The following RBM41 variants were observed in gnomAD, a reference collection of about 807,000 sequenced individuals.
The protein encoded by RBM41 is RNA binding motif protein 41, also known as RNA-binding protein 41.
In RBM41, 14 loss-of-function variants were observed where a neutral mutation model predicts 30.8. The observed-to-expected ratio is 0.45, with a 90% CI of 0.30 to 0.71. The LOEUF (loss-of-function observed/expected upper bound fraction) is 0.71, where lower values mean the gene tolerates loss of function less well. Ranked by LOEUF, RBM41 falls within the 30% of genes least tolerant of loss-of-function variation. The probability of loss-of-function intolerance (pLI) is 0.08; values close to 1 mark genes in which losing one functional copy is unlikely to be tolerated. For synonymous variants in RBM41, 120 were observed against 110.1 expected, an observed-to-expected ratio of 1.09 and a Z score of -0.56; for missense variants, 276 against 326.3, an observed-to-expected ratio of 0.85 and a Z score of 1.19.
chrX:107,090,746 A>T (rs765019265), intron 5 of RBM41, among the ~76,000 whole-genome samples: 2 of 110,270 alleles, frequency 1.8e-5, no homozygotes, highest in Admixed American at 9.6e-5. Flanking sequence ...AAGCTAGGAC[A>T]TTTTTTTTAA....
chrX:107,065,980 T>C lies in RBM41; in HGVS notation c.*1547A>G, dbSNP rs186176370. ...GTCACTTGCTTTCAGGCTGAAGAAC[T>C]TCCTTTTGTATTTCCAGCAAGTCAG... On this transcript the variant is annotated 3_prime_UTR_variant, in exon 8 of 8. Transcript: ENST00000685964. Among the ~76,000 whole-genome samples the C allele has an allele frequency of 4.6e-3, 522 of 112,449 alleles. 3 individuals are homozygous for C. Among genetic ancestry groups the C allele is most frequent in the African/African-American group, 0.016 (488 of 30,997 alleles).
intron 5 of RBM41, among the ~76,000 whole-genome samples, chrX:107,092,595 A>G (rs1922642484): frequency 1.8e-5 from 2 of 111,573 alleles, no homozygotes; most frequent in Admixed American, 1.9e-4. Context: ...AAAAAAAATA[A>G]TAAAATAAAT....
rs749148127 is a variant in RBM41 at position 107,116,778 on chromosome X, A to G, written c.9-12T>C. On this transcript the variant is annotated splice_polypyrimidine_tract_variant and intron_variant, in intron 1 of 7. Coordinates refer to ENST00000685964, the MANE Select transcript of RBM41 (RefSeq NM_001324242.2). Reference sequence around the variant, plus strand: ...CACAGCTGTTTACCCTGGAGTAGACATAAGAATATATACAGAAAACGGAAG... The same window carrying G: ...CACAGCTGTTTACCCTGGAGTAGACGTAAGAATATATACAGAAAACGGAAG... The G allele has an allele frequency of 5.0e-6, 6 of 1,192,121 alleles. No homozygotes were observed. In the South Asian group the frequency reaches 7.2e-5, roughly 14 times the overall value.
rs779204935 is a variant in RBM41 at position 107,067,470 on chromosome X, T to C, written c.*57A>G. 8.8e-7 allele frequency: 1 copy of C among 1,138,178 alleles called. No individual in the cohort carries two copies. Among genetic ancestry groups the C allele is most frequent in the Admixed American group, 2.6e-5 (1 of 38,329 alleles). The allele number at this position is 1,138,178 out of a possible 1,213,427, so 93.8% of individuals were successfully genotyped here. On this transcript the variant is annotated 3_prime_UTR_variant, in exon 8 of 8. Transcript: ENST00000685964. ...CAAACTGGTGTCTATACATAAATCC[T>C]AGATCCAAGATTCCAATTCAAGAAA...
At chrX:107,061,614 C>G (rs1569319489), downstream of RBM41, among the ~76,000 whole-genome samples, 1 of 110,754 alleles carries the variant, frequency 9.0e-6, no homozygotes, top group African/African-American at 3.3e-5. Context: ...GAATTTTTTC[C>G]TTTCTTTTTT....
intron 5 of RBM41, among the ~76,000 whole-genome samples, chrX:107,095,775 G>A: frequency 9.0e-6 from 1 of 111,146 alleles, no homozygotes. Context: ...TGCTTTGAGA[G>A]GATGATGTGG....
chrX:107,063,956 T>C lies in RBM41; in HGVS notation c.*3571A>G, dbSNP rs772809948. Among the ~76,000 whole-genome samples, 1,162 of 103,106 alleles carry C rather than the reference T, an allele frequency of 0.011. 17 individuals are homozygous for C. The highest frequency in any genetic ancestry group is 0.039 in the African/African-American group (1,094 of 28,309). 89.5% of individuals were successfully genotyped at this position (103,106 alleles called of 115,157 possible). ...TAGTGCTATGGTCTTTCTTTTCTTT[T>C]TTTTTTTTTTTTTGAGATGGAGTCT... On this transcript the variant is annotated 3_prime_UTR_variant, in exon 8 of 8. Transcript: ENST00000685964.
rs113071819 is a variant in RBM41 at position 107,069,444 on chromosome X, G to T, written c.1000-42C>A. 5.5e-4 allele frequency: 620 copies of T among 1,135,027 alleles called. 5 individuals are homozygous for T. In the African/African-American group the frequency reaches 9.9e-3, roughly 18 times the overall value. 93.5% of individuals were successfully genotyped at this position (1,135,027 alleles called of 1,213,427 possible). ...ATCAACCAAAATATCATATAAAGGA[G>T]GTAAGGCACTCTTTGTTTTTTTCTT... On this transcript the variant is annotated intron_variant, in intron 6 of 7. Coordinates refer to ENST00000685964, the MANE Select transcript of RBM41 (RefSeq NM_001324242.2).
chrX:107,070,348 G>A (rs1602546346), intron 6 of RBM41: 1 of 331,001 alleles, frequency 3.0e-6, no homozygotes, highest in East Asian at 9.7e-5. Context: ...GTCCTTTTCT[G>A]CCATTTGGCT....
intron 6 of RBM41, chrX:107,070,558 T>C (rs755831735): frequency 2.2e-5 from 5 of 229,826 alleles, no homozygotes; most frequent in African/African-American, 1.5e-4. Flanking sequence ...CAATCTGCTT[T>C]TTAGTTCCTA....
In RBM41 at chrX:107,088,776, A is replaced by G; in HGVS notation, c.659T>C (p.Met220Thr). 8.3e-7 allele frequency: 1 copy of G among 1,211,190 alleles called. No homozygotes were observed. Among genetic ancestry groups the G allele is most frequent in the Non-Finnish European group, 1.1e-6 (1 of 895,406 alleles). The change falls in exon 6 of 8, where the codon ATG becomes ACG. Residue 220 changes from methionine to threonine, a missense_variant. Coordinates refer to ENST00000685964, the MANE Select transcript of RBM41 (RefSeq NM_001324242.2). ...CTCTTCAAGACGTTTTTTCATTATC[A>G]TCTCTTGGTAAAAACTTTCCAGGTT... ...MNNLESFYQEMIMKKRLEEFQ... is the reference protein window; with the variant it reads ...MNNLESFYQETIMKKRLEEFQ...
intron 1 of RBM41, 81 bp downstream of exon 1, chrX:107,118,685 C>T: frequency 8.6e-7 from 1 of 1,166,024 alleles, no homozygotes; most frequent in Non-Finnish European, 1.2e-6. Context: ...ATACCCAAAC[C>T]AGAAAGCAAT....
chrX:107,066,648 C>T lies in RBM41; in HGVS notation c.*879G>A. 1 of 697,704 alleles carries T rather than the reference C, an allele frequency of 1.4e-6. No homozygotes were observed. Among genetic ancestry groups the T allele is most frequent in the Non-Finnish European group, 1.7e-6 (1 of 588,349 alleles). The allele number at this position is 697,704 out of a possible 1,213,427, so 57.5% of individuals were successfully genotyped here. A position where few individuals can be genotyped will look rare whatever the true frequency, so the allele number is the denominator to read the frequency against. ...GTTAAGTGTGGCTGTACAGGTCTGA[C>T]TCCAGTTTGTACTACTTCCTCTCTG... On this transcript the variant is annotated 3_prime_UTR_variant, in exon 8 of 8. Coordinates refer to ENST00000685964, the MANE Select transcript of RBM41 (RefSeq NM_001324242.2).
chrX:107,100,505 A>G (rs895393375), intron 5 of RBM41, among the ~76,000 whole-genome samples: 1 of 108,409 alleles, frequency 9.2e-6, no homozygotes, highest in Non-Finnish European at 1.9e-5. Context: ...AAAAAAAAAG[A>G]AAAAAAAAGT....
At chrX:107,090,856 T>C (rs1922471034) in intron 5 of RBM41, among the ~76,000 whole-genome samples, 2 of 110,897 alleles carry the variant, frequency 1.8e-5, no homozygotes. Flanking sequence ...TTTTGTTACA[T>C]AGGTATACAT....
At chrX:107,068,318 C>T (rs921932485) in intron 7 of RBM41, among the ~76,000 whole-genome samples, 2 of 110,996 alleles carry the variant, frequency 1.8e-5, no homozygotes, top group African/African-American at 6.5e-5. Flanking sequence ...GTAGACTAAA[C>T]CAATTTTGTT....
intron 5 of RBM41, among the ~76,000 whole-genome samples, chrX:107,093,631 A>T (rs1193765270): frequency 8.9e-6 from 1 of 112,155 alleles, no homozygotes; most frequent in Non-Finnish European, 1.9e-5. Flanking sequence ...AAATGCCTGT[A>T]TTGGAAAAGA....
intron 6 of RBM41, among the ~76,000 whole-genome samples, chrX:107,087,022 A>T (rs1922095839): frequency 8.9e-6 from 1 of 111,859 alleles, no homozygotes; most frequent in Non-Finnish European, 1.9e-5. Context: ...ATGTAGTAAA[A>T]ATATAAAAAC....
At chrX:107,070,957 G>A (rs1936035848) in intron 6 of RBM41, among the ~76,000 whole-genome samples, 1 of 108,836 alleles carries the variant, frequency 9.2e-6, no homozygotes, top group Non-Finnish European at 1.9e-5. Flanking sequence ...GGCTGAGGCA[G>A]GAGGATTACT....
Sources: gnomAD v4.1 joint callset for allele counts (sites outside exome capture counted in the v4.1 genomes callset) on GRCh38, gnomAD v4.1.1 for gene constraint, MANE v1.5 for transcripts, NCBI Gene and HGNC (gene_info 2026-07-23, HGNC 2026-07-21) for gene names.